Variants in IFT88 observed in about 807,000 individuals in gnomAD.
IFT88 encodes the protein intraflagellar transport protein 88 homolog.
IFT88 carries 74 observed loss-of-function variants against 119.5 expected under a neutral mutation model. That is an observed-to-expected ratio of 0.62 (90% confidence interval 0.51 to 0.75). The LOEUF (loss-of-function observed/expected upper bound fraction) is 0.75, where lower values mean the gene tolerates loss of function less well. IFT88 is among the 30% of genes least tolerant of loss of function. IFT88 has a pLI of 0.00. For missense variants in IFT88, 961 were observed against 977.7 expected, an observed-to-expected ratio of 0.98 and a Z score of 0.23; for synonymous variants, 279 against 316.7, an observed-to-expected ratio of 0.88 and a Z score of 1.26.
intron 14 of IFT88, among the ~76,000 whole-genome samples, chr13:20,625,335 G>A (rs1003713004): frequency 2.0e-5 from 3 of 152,036 alleles, no homozygotes; most frequent in Non-Finnish European, 4.4e-5. Context: ...CAAATATTTT[G>A]TGCTTTTATA....
intron 23 of IFT88, among the ~76,000 whole-genome samples, chr13:20,665,910 A>G (rs932174695): frequency 6.6e-6 from 1 of 152,180 alleles, no homozygotes; most frequent in African/African-American, 2.4e-5. Context: ...GGTGGAGAGA[A>G]AAAAATGTGG....
intron 11 of IFT88, 99 bp downstream of exon 11, chr13:20,599,664 GTGTT>G: frequency 1.6e-6 from 1 of 623,134 alleles, no homozygotes; most frequent in Non-Finnish European, 2.8e-6. Flanking sequence ...ACATTTCAAA[GTGTT>G]TGTACATGAG....
At chr13:20,666,618 T>A (rs2054733502) in intron 23 of IFT88, among the ~76,000 whole-genome samples, 1 of 152,250 alleles carries the variant, frequency 6.6e-6, no homozygotes, top group Admixed American at 6.5e-5. Flanking sequence ...TCACTTAATT[T>A]GTTCACTTAT....
intron 7 of IFT88, among the ~76,000 whole-genome samples, chr13:20,593,911 T>TAAAAA: frequency 6.6e-6 from 1 of 151,526 alleles, no homozygotes; most frequent in Non-Finnish European, 1.5e-5. Context: ...ATTAGCTGGG[T>TAAAAA]ATGGTGGCAC....
intron 14 of IFT88, 42 bp from the exon 15 acceptor site, chr13:20,625,708 T>C: frequency 7.1e-7 from 1 of 1,411,934 alleles, no homozygotes; most frequent in South Asian, 1.2e-5. Context: ...ATCAATATAC[T>C]AAAACAAAAT....
At chr13:20,621,526 T>TAAAAAAAAAAAAA (rs200491393) in intron 14 of IFT88, among the ~76,000 whole-genome samples, 2 of 130,746 alleles carry the variant, frequency 1.5e-5, no homozygotes, top group Admixed American at 7.4e-5. Context: ...CCTGCTGAGA[T>TAAAAAAAAAAAAA]AAAAAAAAAA....
chr13:20,656,222 A>G (rs948822005), intron 21 of IFT88, 143 bp from the exon 22 acceptor site: 5 of 359,346 alleles, frequency 1.4e-5, no homozygotes, highest in Admixed American at 4.8e-5. Flanking sequence ...TTTTCTTCTA[A>G]AAGTTATATT....
chr13:20,624,337 C>T (rs1594339937), intron 14 of IFT88, among the ~76,000 whole-genome samples: 1 of 152,060 alleles, frequency 6.6e-6, no homozygotes, highest in South Asian at 2.1e-4. Flanking sequence ...CCATTTCCTC[C>T]CTGGGCGCCA....
intron 24 of IFT88, among the ~76,000 whole-genome samples, chr13:20,681,039 C>T (rs1310848913): frequency 1.3e-5 from 2 of 152,142 alleles, no homozygotes; most frequent in Non-Finnish European, 2.9e-5. Context: ...TCCCTGTTTC[C>T]CCCTTCTGCT....
chr13:20,663,628 G>T, intron 23 of IFT88, 24 bp downstream of exon 23: 1 of 1,494,250 alleles, frequency 6.7e-7, no homozygotes, highest in Non-Finnish European at 9.3e-7. Context: ...GCCCCAAACT[G>T]CAGTCTGTTA....
In IFT88 at chr13:20,592,382, T is replaced by G; in HGVS notation, c.376T>G (p.Leu126Val). ...TCAGTCAAGGGGCCCTGCTTCCCCT[T>G]TGGAAGCCAAGAAAAAAGATAGGTA... ...LSQSRGPASPLEAKKKDSPEE... is the reference protein window; with the variant it reads ...LSQSRGPASPVEAKKKDSPEE... The change falls in exon 7 of 26, where the codon TTG (leucine) becomes GTG (valine). Residue 126 changes from leucine (L) to valine (V), a missense_variant. Transcript: ENST00000351808. The G allele has an allele frequency of 3.1e-6, 5 of 1,610,892 alleles. No homozygotes were observed. Among genetic ancestry groups the G allele is most frequent in the Non-Finnish European group, 2.5e-6 (3 of 1,178,636 alleles).
chr13:20,619,637 G>C (rs912679027), intron 14 of IFT88, among the ~76,000 whole-genome samples: 2 of 151,580 alleles, frequency 1.3e-5, no homozygotes, highest in African/African-American at 4.8e-5. Flanking sequence ...TGGGTGTTGT[G>C]ATTTGCAGTT....
chr13:20,603,403 A>T (rs979052547), intron 12 of IFT88, among the ~76,000 whole-genome samples: 4 of 148,704 alleles, frequency 2.7e-5, no homozygotes, highest in Admixed American at 6.7e-5. Context: ...AAAAAAAAAA[A>T]GATTATAAGA....
intron 3 of IFT88, among the ~76,000 whole-genome samples, chr13:20,583,726 C>G (rs977974934): frequency 1.3e-5 from 2 of 152,022 alleles, no homozygotes; most frequent in Non-Finnish European, 2.9e-5. Flanking sequence ...AAGCTTTTCC[C>G]CTATGTTTTC....
Position 20,653,858 on chromosome 13 carries a change from CATTT to C in IFT88, c.1950-9_1950-6del, listed in dbSNP as rs777186660. ...GATTTTTTTATCTCTAATTTCATCTCATTTATTTATTTTATAGGCCTACACAAGT... is the reference window on the plus strand; with the variant it reads ...GATTTTTTTATCTCTAATTTCATCTCATTTATTTTATAGGCCTACACAAGT... On this transcript the variant is annotated splice_polypyrimidine_tract_variant and intron_variant, in intron 20 of 25. Coordinates refer to ENST00000351808, the MANE Select transcript of IFT88 (RefSeq NM_006531.5). 2 of 1,461,500 alleles carry C rather than the reference CATTT, an allele frequency of 1.4e-6. No individual in the cohort carries two copies. Among genetic ancestry groups the C allele is most frequent in the African/African-American group, 1.4e-5 (1 of 70,022 alleles). The allele number at this position is 1,461,500 out of a possible 1,614,324, so 90.5% of individuals were successfully genotyped here.
At position 20,598,699 on chromosome 13, in the gene IFT88, G is replaced by A. The variant is rs370019363; in HGVS notation, c.643G>A (p.Glu215Lys). ...GTATTCAGTTAATGAAATGTATGCC[G>A]AAGCACTTAACACTTATCAAGTTAT... ...SQYSVNEMYA[E>K]ALNTYQVIVK... is the part of the protein sequence containing the mutation. The change falls in exon 10 of 26, where the codon GAA (glutamate) becomes AAA (lysine). Residue 215 changes from glutamate (E) to lysine (K), a missense_variant. Transcript: ENST00000351808. 6.1e-5 allele frequency: 98 copies of A among 1,610,760 alleles called. No individual in the cohort carries two copies. The highest frequency in any genetic ancestry group is 8.2e-5 in the Non-Finnish European group (97 of 1,177,940).
chr13:20,645,641 A>AAT (rs2050631744), intron 20 of IFT88, among the ~76,000 whole-genome samples: 1 of 152,174 alleles, frequency 6.6e-6, no homozygotes, highest in Non-Finnish European at 1.5e-5. Flanking sequence ...ATTTATAATT[A>AAT]ATATATATGA....
At chr13:20,595,321 A>T (rs2138854842) in intron 7 of IFT88, among the ~76,000 whole-genome samples, 1 of 151,762 alleles carries the variant, frequency 6.6e-6, no homozygotes, top group Non-Finnish European at 1.5e-5. Flanking sequence ...TTGCTCTGTC[A>T]CCCAGGCTGG....
At chr13:20,599,624 A>G in intron 11 of IFT88, 59 bp downstream of exon 11, 2 of 759,152 alleles carry the variant, frequency 2.6e-6, no homozygotes, top group Non-Finnish European at 2.2e-6. Flanking sequence ...GAAACAAGAT[A>G]ACTCTTCTGA....
Sources: allele counts gnomAD v4.1 joint callset (sites outside exome capture counted in the v4.1 genomes callset), GRCh38; gene constraint gnomAD v4.1.1; transcripts MANE v1.5; gene names NCBI Gene and HGNC (gene_info 2026-07-23, HGNC 2026-07-21).